The following DGKB variants were observed in gnomAD, a reference collection of about 807,000 sequenced individuals.
DGKB encodes diacylglycerol kinase beta.
DGKB carries 67 observed loss-of-function variants against 114.3 expected under a neutral mutation model. That is an observed-to-expected ratio of 0.59 (90% CI 0.48 to 0.72). DGKB has a LOEUF of 0.72. DGKB is among the 30% of genes least tolerant of loss of function. The pLI is 0.00. For synonymous variants in DGKB, 398 were observed against 323.1 expected, an observed-to-expected ratio of 1.23 and a Z score of -2.49; for missense variants, 907 against 975.2, an observed-to-expected ratio of 0.93 and a Z score of 0.93.
At chr7:14,611,496 C>T (rs959150023) in intron 16 of DGKB, among the ~76,000 whole-genome samples, 1 of 152,070 alleles carries the variant, frequency 6.6e-6, no homozygotes, top group Non-Finnish European at 1.5e-5. Flanking sequence ...ACGGGATCAC[C>T]TTGTGAAAGG....
intron 23 of DGKB, among the ~76,000 whole-genome samples, chr7:14,323,520 G>C (rs533166860): frequency 1.3e-5 from 2 of 152,166 alleles, no homozygotes; most frequent in Non-Finnish European, 2.9e-5. Flanking sequence ...ATCAGAGAAA[G>C]CTTCTCTTAA....
intron 23 of DGKB, among the ~76,000 whole-genome samples, chr7:14,277,454 T>C (rs1384393578): frequency 6.6e-6 from 1 of 152,184 alleles, no homozygotes; most frequent in African/African-American, 2.4e-5. Context: ...ATTACAGGCG[T>C]GAATCACTGT....
At chr7:14,161,161 C>T (rs1783821504) in intron 25 of DGKB, among the ~76,000 whole-genome samples, 1 of 152,124 alleles carries the variant, frequency 6.6e-6, no homozygotes, top group African/African-American at 2.4e-5. Context: ...AGTCAGGAAA[C>T]AACAGATGCT....
chr7:14,600,311 G>T (rs1803313474), intron 17 of DGKB, among the ~76,000 whole-genome samples: 1 of 152,128 alleles, frequency 6.6e-6, no homozygotes, highest in Non-Finnish European at 1.5e-5. Flanking sequence ...TAATATGATT[G>T]CATTGGTGAT....
intron 2 of DGKB, among the ~76,000 whole-genome samples, chr7:14,769,110 AAAGAAAGAAAGAAAGAG>A (rs1836926482): frequency 7.7e-6 from 1 of 130,420 alleles, no homozygotes; most frequent in African/African-American, 3.2e-5. Flanking sequence ...AGAAAGAAAG[AAAGAAAGAAAGAAAGAG>A]AGAGAGAGAA....
chr7:14,155,311 T>C (rs1387177073), intron 25 of DGKB, among the ~76,000 whole-genome samples: 8 of 152,108 alleles, frequency 5.3e-5, no homozygotes, highest in African/African-American at 7.2e-5. Flanking sequence ...GTGTGGAGGA[T>C]TGCAAGTTGA....
At chr7:14,972,954 G>T (rs538572623) in intron 1 of DGKB, among the ~76,000 whole-genome samples, 1 of 152,070 alleles carries the variant, frequency 6.6e-6, no homozygotes, top group South Asian at 2.1e-4. Context: ...ATATGGTCTA[G>T]GAAATCCAAC....
At chr7:14,160,484 G>GACAA (rs532623876) in intron 25 of DGKB, among the ~76,000 whole-genome samples, 2 of 152,072 alleles carry the variant, frequency 1.3e-5, no homozygotes, top group Non-Finnish European at 2.9e-5. Flanking sequence ...ACCAATAACA[G>GACAA]ACAAACAGAG....
rs531591743 is a variant in DGKB at position 14,973,179 on chromosome 7, T to A, written c.-188+1517A>T. Among the ~76,000 whole-genome samples the A allele has an allele frequency of 9.2e-5, 14 of 152,138 alleles. No individual in the cohort carries two copies. The East Asian group carries it at 2.7e-3, about 29-fold the overall frequency. ...AGTCTGAAATCCTCCCGTCTTGAAG[T>A]TTCTACATATCCAATAGACTTCTGA... On this transcript the variant is annotated intron_variant, in intron 1 of 4. Transcript: ENST00000437998.
chr7:14,925,264 C>T (rs1341798816), intron 1 of DGKB, among the ~76,000 whole-genome samples: 1 of 152,180 alleles, frequency 6.6e-6, no homozygotes, highest in Non-Finnish European at 1.5e-5. Flanking sequence ...TGAACATGTG[C>T]TTTACTTCTC....
At chr7:14,422,899 T>G (rs1455144370) in intron 21 of DGKB, among the ~76,000 whole-genome samples, 1 of 152,010 alleles carries the variant, frequency 6.6e-6, no homozygotes, top group Non-Finnish European at 1.5e-5. Flanking sequence ...GTTAAGTTCT[T>G]TACATACATT....
intron 3 of DGKB, among the ~76,000 whole-genome samples, chr7:14,755,726 T>A (rs946092495): frequency 6.6e-6 from 1 of 152,128 alleles, no homozygotes; most frequent in Non-Finnish European, 1.5e-5. Flanking sequence ...TTCTTAATTA[T>A]TTTCAATTGG....
At chr7:14,666,812 G>C (rs1199700737) in intron 13 of DGKB, among the ~76,000 whole-genome samples, 1 of 151,702 alleles carries the variant, frequency 6.6e-6, no homozygotes, top group African/African-American at 2.4e-5. Flanking sequence ...CCTAAACACA[G>C]TCATGGGAAA....
chr7:14,423,204 C>T (rs1470575659), intron 21 of DGKB, among the ~76,000 whole-genome samples: 1 of 152,002 alleles, frequency 6.6e-6, no homozygotes, highest in African/African-American at 2.4e-5. Flanking sequence ...CAATAGTCAG[C>T]ATAATATCAC....
intron 13 of DGKB, among the ~76,000 whole-genome samples, chr7:14,637,330 C>T (rs185592847): frequency 1.1e-4 from 17 of 151,848 alleles, no homozygotes; most frequent in African/African-American, 4.1e-4. Flanking sequence ...AAACATAGTT[C>T]TGGTAATAAA....
intron 12 of DGKB, among the ~76,000 whole-genome samples, chr7:14,676,167 A>C (rs1189909692): frequency 2.0e-5 from 3 of 152,118 alleles, no homozygotes; most frequent in African/African-American, 4.8e-5. Flanking sequence ...ATAGAATTCA[A>C]AAGCTACAAA....
intron 20 of DGKB, among the ~76,000 whole-genome samples, chr7:14,539,432 CA>C (rs1793060346): frequency 6.6e-6 from 1 of 151,900 alleles, no homozygotes; most frequent in South Asian, 2.1e-4. Context: ...ATCAATATGG[CA>C]AAAATAAAAT....
chr7:14,350,256 T>A (rs1025914244), intron 21 of DGKB, among the ~76,000 whole-genome samples: 4 of 152,170 alleles, frequency 2.6e-5, no homozygotes, highest in Non-Finnish European at 5.9e-5. Flanking sequence ...TTAGTTAATA[T>A]TCAGTTCTTC....
rs1433739932 is a variant in DGKB, at chr7:14,826,164, CCTT to C, written c.70+15027_70+15029del. On this transcript the variant is annotated intron_variant, in intron 2 of 25. Coordinates refer to ENST00000402815, the MANE Select transcript of DGKB (RefSeq NM_001350709.2). ...CAAACAACTTGGCTGACCTCATCAT[CCTT>C]CTTCTTACTAACACCTGGAAATGGA... Among the ~76,000 whole-genome samples the C allele has an allele frequency of 5.3e-5, 8 of 152,130 alleles. No individual in the cohort carries two copies. In the East Asian group the frequency reaches 1.2e-3, roughly 22 times the overall value.
Sources: allele counts gnomAD v4.1 joint callset (sites outside exome capture counted in the v4.1 genomes callset), GRCh38; gene constraint gnomAD v4.1.1; transcripts MANE v1.5; gene names NCBI Gene and HGNC (gene_info 2026-07-23, HGNC 2026-07-21).